Variants in MGAT3 observed in about 807,000 individuals in gnomAD.
MGAT3 encodes GlcNAc-T III.
MGAT3 carries 9 observed loss-of-function variants against 29.8 expected under a neutral mutation model. The ratio of observed to expected loss-of-function variants is 0.30; its 90% CI spans 0.18 to 0.53. The LOEUF is 0.53. MGAT3 is among the 20% of genes least tolerant of loss of function. MGAT3 has a pLI of 0.96. For synonymous variants in MGAT3, 397 were observed against 348.9 expected (o/e 1.14, Z -1.54); for missense variants, 557 against 769.5 (o/e 0.72, Z 3.27).
At chr22:39,486,582 C>T (rs113359232) in intron 1 of MGAT3, among the ~76,000 whole-genome samples, 219 of 152,296 alleles carry the variant, frequency 1.4e-3, no homozygotes, top group African/African-American at 5.1e-3. Context: ...CTCACTGCAG[C>T]CTCAACCTCG....
chr22:39,488,047 G>A lies in MGAT3; in HGVS notation c.700G>A (p.Ala234Thr). The A allele has an allele frequency of 1.2e-6, 2 of 1,612,716 alleles. No homozygotes were observed. The highest frequency in any genetic ancestry group is 1.7e-6 in the Non-Finnish European group (2 of 1,179,310). The change falls in exon 2 of 2, where the codon GCC becomes ACC. Residue 234 changes from alanine to threonine, a missense_variant. By Grantham distance (58) the Ala-to-Thr change is moderately conservative. This residue lies in a region of MGAT3 where 243 missense variants were observed against 444.0 expected (regional missense o/e 0.55). Coordinates refer to ENST00000341184, the MANE Select transcript of MGAT3 (RefSeq NM_002409.5). ...CCACGAGCTGGGCGACGTGGTGGAC[G>A]CCTTTGTGGTGTGCGAGTCCAACTT... ...RFHELGDVVDAFVVCESNFTA... is the reference protein window; with the variant it reads ...RFHELGDVVDTFVVCESNFTA...
At chr22:39,458,486 G>T (rs1278370619) in intron 1 of MGAT3, among the ~76,000 whole-genome samples, 1 of 152,030 alleles carries the variant, frequency 6.6e-6, no homozygotes, top group Non-Finnish European at 1.5e-5. Context: ...CTGGCGTGTC[G>T]TTTGGGGAGG....
At chr22:39,481,915 A>G (rs185513766) in intron 1 of MGAT3, among the ~76,000 whole-genome samples, 3 of 152,256 alleles carry the variant, frequency 2.0e-5, no homozygotes, top group Non-Finnish European at 4.4e-5. Flanking sequence ...AGCCTCAGTG[A>G]TAGTTTTACT....
At chr22:39,479,547 A>C (rs1042199196) in intron 1 of MGAT3, among the ~76,000 whole-genome samples, 37 of 152,218 alleles carry the variant, frequency 2.4e-4, no homozygotes, top group Admixed American at 1.4e-3. Context: ...ACCTAGGCTT[A>C]GGCCCTGCCA....
At chr22:39,480,965 C>G (rs1437241242) in intron 1 of MGAT3, among the ~76,000 whole-genome samples, 1 of 152,246 alleles carries the variant, frequency 6.6e-6, no homozygotes, top group Non-Finnish European at 1.5e-5. Context: ...CCTGGCTTCC[C>G]CTGCCCTGCC....
chr22:39,477,402 C>A (rs1928996255), intron 1 of MGAT3: 1 of 152,200 alleles, frequency 6.6e-6, no homozygotes. Flanking sequence ...GTGAAGCAGC[C>A]CCGCAATTGG....
At chr22:39,474,576 C>CCAGCCCTCACGGGCTCCCACTGCCT (rs1208328796) in intron 1 of MGAT3, among the ~76,000 whole-genome samples, 5 of 152,324 alleles carry the variant, frequency 3.3e-5, no homozygotes, top group South Asian at 2.1e-4. Context: ...GCACACTGGC[C>CCAGCCCTCACGGGCTCCCACTGCCT]CAGCCCTCAC....
intron 1 of MGAT3, among the ~76,000 whole-genome samples, chr22:39,460,027 A>T (rs738290): frequency 1.3e-5 from 2 of 152,066 alleles, no homozygotes; most frequent in African/African-American, 2.4e-5. Context: ...AGACTACATA[A>T]GCAGTGAGGA....
Position 39,486,007 on chromosome 22 carries a change from G to A in MGAT3, c.-1-1340G>A, listed in dbSNP as rs149595738. 6.6e-4 allele frequency among the ~76,000 whole-genome samples: 101 copies of A among 152,290 alleles called. No individual in the cohort carries two copies. In the Middle Eastern group the frequency reaches 0.01, roughly 15 times the overall value. On this transcript the variant is annotated intron_variant, in intron 1 of 1. Coordinates refer to ENST00000341184, the MANE Select transcript of MGAT3 (RefSeq NM_002409.5). ...AGGAACTGGTACATTTATTTCTACT[G>A]ATACCAAAATCTTTTAAATCTATCA...
chr22:39,478,223 T>C (rs1216121648), intron 1 of MGAT3, among the ~76,000 whole-genome samples: 1 of 152,232 alleles, frequency 6.6e-6, no homozygotes, highest in East Asian at 1.9e-4. Flanking sequence ...GTACCAGGGC[T>C]GGGGGCAGTG....
At chr22:39,484,127 G>A (rs548013560) in intron 1 of MGAT3, among the ~76,000 whole-genome samples, 226 of 152,272 alleles carry the variant, frequency 1.5e-3, no homozygotes, top group Middle Eastern at 3.4e-3. Context: ...CCTAGGTCCT[G>A]GTTTCCTCCT....
In MGAT3 at chr22:39,488,871, G is replaced by A; in HGVS notation, c.1524G>A (p.Thr508=). 2 of 1,600,534 alleles carry A rather than the reference G, an allele frequency of 1.2e-6. No homozygotes were observed. Among genetic ancestry groups the A allele is most frequent in the Non-Finnish European group, 8.5e-7 (1 of 1,174,120 alleles). ...LDNPYQEPRS[T]AAGGWRHRGP... is the part of the protein sequence containing the mutation. ...ACCCCTACCAGGAGCCCAGGAGCAC[G>A]GCGGCGGGCGGGTGGCGCCACAGGG... Residue 508 remains threonine (T), a synonymous_variant, in exon 2 of 2, where the codon ACG becomes ACA. Transcript: ENST00000341184.
chr22:39,489,019 T>C lies in MGAT3; in HGVS notation c.*70T>C. Reference sequence around the variant, plus strand: ...CGGCCCCTAGCGCTATCTCCCTGCCTCCTGCCGGCTCCTTGGTTCTTGAGG... The same window carrying C: ...CGGCCCCTAGCGCTATCTCCCTGCCCCCTGCCGGCTCCTTGGTTCTTGAGG... On this transcript the variant is annotated 3_prime_UTR_variant, in exon 2 of 2. Transcript: ENST00000341184. The C allele has an allele frequency of 7.9e-7, 1 of 1,261,204 alleles. No individual in the cohort carries two copies. Among genetic ancestry groups the C allele is most frequent in the African/African-American group, 1.6e-5 (1 of 63,986 alleles). 78.1% of individuals were successfully genotyped at this position (1,261,204 alleles called of 1,614,324 possible). A position where few individuals can be genotyped will look rare whatever the true frequency, so the allele number is the denominator to read the frequency against.
intron 1 of MGAT3, among the ~76,000 whole-genome samples, chr22:39,458,660 A>T (rs1418802433): frequency 6.6e-6 from 1 of 152,156 alleles, no homozygotes; most frequent in Admixed American, 6.5e-5. Context: ...CCAGCCCAGG[A>T]GGAAGAGAGA....
chr22:39,468,071 C>T (rs1470750839), intron 1 of MGAT3, among the ~76,000 whole-genome samples: 1 of 151,816 alleles, frequency 6.6e-6, no homozygotes, highest in African/African-American at 2.4e-5. Flanking sequence ...CAGAGGTGGA[C>T]AGAGAGTAAT....
At chr22:39,475,872 A>G (rs1296526731) in intron 1 of MGAT3, 1 of 152,298 alleles carries the variant, frequency 6.6e-6, no homozygotes, top group Non-Finnish European at 1.5e-5. Context: ...ACTACTCACG[A>G]GGCTGAGATG....
Position 39,488,984 on chromosome 22 carries a change from G to T in MGAT3, c.*35G>T. 2 of 1,569,530 alleles carry T rather than the reference G, an allele frequency of 1.3e-6. No homozygotes were observed. The highest frequency in any genetic ancestry group is 4.6e-5 in the East Asian group (2 of 43,172). On this transcript the variant is annotated 3_prime_UTR_variant, in exon 2 of 2. Transcript: ENST00000341184. ...ATCTGATAGGGTTTGTGACAGGGCGGGGGTGGCGGCGGCCCCTAGCGCTAT... is the reference window on the plus strand; with the variant it reads ...ATCTGATAGGGTTTGTGACAGGGCGTGGGTGGCGGCGGCCCCTAGCGCTAT...
At position 39,480,361 on chromosome 22, in the gene MGAT3, C is replaced by A. The variant is rs143729385; in HGVS notation, c.-1-6986C>A. Among the ~76,000 whole-genome samples, 425 of 152,326 alleles carry A rather than the reference C, an allele frequency of 2.8e-3. 3 individuals carry two copies. The highest frequency in any genetic ancestry group is 9.8e-3 in the African/African-American group (407 of 41,564). On this transcript the variant is annotated intron_variant, in intron 1 of 1. Transcript: ENST00000341184. The stretch of plus-strand genomic sequence containing the variant: ...CGCCCAGCCCAGGGAAGGCCCTAAG[C>A]CCTCGCTCAGTTAACCTTATTCCCC...
At chr22:39,467,809 C>CAA (rs34945926) in intron 1 of MGAT3, among the ~76,000 whole-genome samples, 62 of 60,984 alleles carry the variant, frequency 1.0e-3, no homozygotes, top group South Asian at 1.1e-3. Flanking sequence ...GGCTCAGTCT[C>CAA]AAAAAAAAAA....
Sources: allele counts gnomAD v4.1 joint callset (sites outside exome capture counted in the v4.1 genomes callset), GRCh38; gene constraint gnomAD v4.1.1; regional missense constraint gnomAD v4.1.1; transcripts MANE v1.5; gene names NCBI Gene and HGNC (gene_info 2026-07-23, HGNC 2026-07-21).